MPPED2: variants seen among roughly 807,000 people sequenced by gnomAD.
MPPED2 encodes metallophosphoesterase MPPED2.
A neutral mutation model predicts 33.0 loss-of-function variants in MPPED2; 5 were observed. The observed-to-expected ratio is 0.15, with a 90% CI of 0.08 to 0.32. The LOEUF (loss-of-function observed/expected upper bound fraction) is 0.32. MPPED2 is among the 10% of genes least tolerant of loss of function. The probability of loss-of-function intolerance (pLI) is 1.00; values close to 1 mark genes in which losing one functional copy is unlikely to be tolerated. For missense variants in MPPED2, 275 were observed against 372.1 expected (o/e 0.74, Z 2.15); for synonymous variants, 136 against 141.9 (o/e 0.96, Z 0.29).
intron 6 of MPPED2, among the ~76,000 whole-genome samples, chr11:30,401,588 T>A (rs1444542664): frequency 1.3e-5 from 2 of 152,266 alleles, no homozygotes; most frequent in African/African-American, 4.8e-5. Context: ...AAGCATTTTC[T>A]TACAAACTAA....
intron 4 of MPPED2, among the ~76,000 whole-genome samples, chr11:30,468,153 A>G (rs1950793287): frequency 1.3e-5 from 2 of 152,224 alleles, no homozygotes; most frequent in South Asian, 4.1e-4. Flanking sequence ...TACATATGGT[A>G]TCACTTTTAT....
At chr11:30,581,468 C>T (rs752730627) in intron 1 of MPPED2, among the ~76,000 whole-genome samples, 6 of 152,106 alleles carry the variant, frequency 3.9e-5, no homozygotes, top group Admixed American at 2.6e-4. Context: ...TTGATCAGTG[C>T]GGTAGAGAAG....
chr11:30,392,338 C>G (rs1483124311), intron 6 of MPPED2, among the ~76,000 whole-genome samples: 1 of 152,170 alleles, frequency 6.6e-6, no homozygotes, highest in African/African-American at 2.4e-5. Flanking sequence ...AAGGAAAAGG[C>G]CCTGAACAGG....
Position 30,411,049 on chromosome 11 carries a change from A to G in MPPED2, c.*419T>C, listed in dbSNP as rs1020655149. ...AGAAAACAACAACAACAAAACATTG[A>G]AAATTAAAATATTTCAAACAATACT... On this transcript the variant is annotated 3_prime_UTR_variant, in exon 7 of 7. Transcript: ENST00000358117. The G allele has an allele frequency of 1.0e-6, 1 of 986,030 alleles. No homozygotes were observed. Among genetic ancestry groups the G allele is most frequent in the African/African-American group, 1.7e-5 (1 of 57,264 alleles). 61.1% of individuals were successfully genotyped at this position (986,030 alleles called of 1,614,324 possible). A position where few individuals can be genotyped will look rare whatever the true frequency, so the allele number is the denominator to read the frequency against.
At chr11:30,526,723 CTACCTT>C (rs1372142826) in intron 3 of MPPED2, among the ~76,000 whole-genome samples, 1 of 150,088 alleles carries the variant, frequency 6.7e-6, no homozygotes, top group African/African-American at 2.4e-5. Context: ...AAAAAGGCTC[CTACCTT>C]TACCTCTTTA....
chr11:30,457,341 G>A (rs576838703), intron 4 of MPPED2, among the ~76,000 whole-genome samples: 1 of 147,676 alleles, frequency 6.8e-6, no homozygotes, highest in Admixed American at 6.8e-5. Flanking sequence ...AAAGAGCTTC[G>A]CATTTATAGA....
intron 4 of MPPED2, among the ~76,000 whole-genome samples, chr11:30,446,927 T>C (rs1296920394): frequency 1.3e-5 from 2 of 152,220 alleles, no homozygotes; most frequent in African/African-American, 4.8e-5. Flanking sequence ...TTGTAATGGT[T>C]TTGCATTAGC....
chr11:30,425,993 C>T (rs1053446152), intron 4 of MPPED2, among the ~76,000 whole-genome samples: 1 of 152,164 alleles, frequency 6.6e-6, no homozygotes, highest in Admixed American at 6.5e-5. Flanking sequence ...CAAAATTTAC[C>T]ATTTTAACCA....
chr11:30,469,296 A>C (rs1950850171), intron 4 of MPPED2, among the ~76,000 whole-genome samples: 1 of 152,186 alleles, frequency 6.6e-6, no homozygotes, highest in South Asian at 2.1e-4. Flanking sequence ...TTAATATCAA[A>C]AGTAGTATTG....
rs563446097 is a variant in MPPED2, at chr11:30,508,412, C to G, written c.311-12891G>C. Among the ~76,000 whole-genome samples the G allele has an allele frequency of 8.6e-4, 131 of 152,266 alleles. 1 individual carries two copies. The highest frequency in any genetic ancestry group is 3.1e-3 in the African/African-American group (127 of 41,548). Reference sequence around the variant, plus strand: ...CCTCATACATATGCATACACTCTGTCAAAGAGCAGATTTCCCCTACTTTTT... The same window carrying G: ...CCTCATACATATGCATACACTCTGTGAAAGAGCAGATTTCCCCTACTTTTT... On this transcript the variant is annotated intron_variant, in intron 3 of 6. Transcript: ENST00000358117.
At chr11:30,502,818 G>A (rs776692563) in intron 3 of MPPED2, among the ~76,000 whole-genome samples, 1 of 152,128 alleles carries the variant, frequency 6.6e-6, no homozygotes, top group African/African-American at 2.4e-5. Flanking sequence ...GGCCAAACGT[G>A]ATCTCCTCTC....
chr11:30,498,100 A>G (rs1952366185), intron 3 of MPPED2, among the ~76,000 whole-genome samples: 1 of 151,818 alleles, frequency 6.6e-6, no homozygotes. Flanking sequence ...TTAATTGGGA[A>G]GGCCCTGCAG....
intron 2 of MPPED2, among the ~76,000 whole-genome samples, chr11:30,567,148 G>A (rs1309322865): frequency 1.3e-5 from 2 of 152,120 alleles, no homozygotes; most frequent in Non-Finnish European, 2.9e-5. Flanking sequence ...CGGTTTTGAA[G>A]ACCTTGGGAA....
chr11:30,585,762 C>A (rs1437687369), intron 1 of MPPED2, among the ~76,000 whole-genome samples: 1 of 152,040 alleles, frequency 6.6e-6, no homozygotes, highest in Non-Finnish European at 1.5e-5. Flanking sequence ...AGGGAAGACA[C>A]CTCCTAAAAA....
intron 3 of MPPED2, among the ~76,000 whole-genome samples, chr11:30,528,984 AAGAG>A (rs1014961836): frequency 6.6e-6 from 1 of 152,204 alleles, no homozygotes; most frequent in Non-Finnish European, 1.5e-5. Context: ...GATGTTTGCA[AAGAG>A]AGAGCAAGAA....
chr11:30,548,529 A>C (rs1212263180), intron 2 of MPPED2, among the ~76,000 whole-genome samples: 1 of 152,118 alleles, frequency 6.6e-6, no homozygotes, highest in African/African-American at 2.4e-5. Context: ...TTAAGTAACT[A>C]TTGCTTGTAA....
At chr11:30,427,958 T>C (rs2133827551) in intron 4 of MPPED2, among the ~76,000 whole-genome samples, 1 of 152,322 alleles carries the variant, frequency 6.6e-6, no homozygotes, top group South Asian at 2.1e-4. Flanking sequence ...CAACATCTAC[T>C]TCGACTCTAC....
Position 30,411,193 on chromosome 11 carries a change from G to A in MPPED2, c.*275C>T. 1 of 1,074,742 alleles carries A rather than the reference G, an allele frequency of 9.3e-7. No homozygotes were observed. 66.6% of individuals were successfully genotyped at this position (1,074,742 alleles called of 1,614,324 possible). A position where few individuals can be genotyped will look rare whatever the true frequency, so the allele number is the denominator to read the frequency against. The stretch of plus-strand genomic sequence containing the variant: ...TTTATCACTTTTTAAAAGAAAGCTT[G>A]GCTGTCCTTTGGCGAACACTAACAA... On this transcript the variant is annotated 3_prime_UTR_variant, in exon 7 of 7. Coordinates refer to ENST00000358117, the MANE Select transcript of MPPED2 (RefSeq NM_001584.3).
chr11:30,535,537 C>A (rs1010964844), intron 3 of MPPED2, among the ~76,000 whole-genome samples: 1 of 152,190 alleles, frequency 6.6e-6, no homozygotes, highest in African/African-American at 2.4e-5. Context: ...CCAAGCAGCA[C>A]TGTGCTATAG....
Sources: allele counts gnomAD v4.1 joint callset (sites outside exome capture counted in the v4.1 genomes callset), GRCh38; gene constraint gnomAD v4.1.1; transcripts MANE v1.5; gene names NCBI Gene and HGNC (gene_info 2026-07-23, HGNC 2026-07-21).